Variants in PLA2G4A observed in about 807,000 individuals in gnomAD.
PLA2G4A encodes cytosolic phospholipase A2.
PLA2G4A carries 40 observed loss-of-function variants against 81.9 expected under a neutral mutation model. The ratio of observed to expected loss-of-function variants is 0.49; its 90% CI spans 0.38 to 0.64. The LOEUF (loss-of-function observed/expected upper bound fraction) is 0.64. PLA2G4A is among the 30% of genes least tolerant of loss of function. PLA2G4A has a pLI of 0.00. For synonymous variants in PLA2G4A, 302 were observed against 296.9 expected (o/e 1.02, Z -0.18); for missense variants, 715 against 905.1 (o/e 0.79, Z 2.69).
intron 15 of PLA2G4A, among the ~76,000 whole-genome samples, chr1:186,974,239 G>C (rs1197129634): frequency 1.3e-5 from 2 of 151,716 alleles, no homozygotes; most frequent in Non-Finnish European, 2.9e-5. Flanking sequence ...GTATTTATTT[G>C]TCATTCCTCT....
intron 10 of PLA2G4A, among the ~76,000 whole-genome samples, chr1:186,945,274 G>C (rs371266801): frequency 7.9e-5 from 12 of 152,150 alleles, no homozygotes; most frequent in African/African-American, 2.9e-4. Flanking sequence ...AGTGAAGTGG[G>C]ATACGCAAGA....
chr1:186,936,367 TG>T (rs1483932177), intron 8 of PLA2G4A, among the ~76,000 whole-genome samples: 4 of 151,998 alleles, frequency 2.6e-5, no homozygotes, highest in Non-Finnish European at 5.9e-5. Context: ...CAGCTAAGTT[TG>T]TCTTCTTCCC....
chr1:186,979,851 A>T lies in PLA2G4A; in HGVS notation c.2118+379A>T, dbSNP rs187074695. On this transcript the variant is annotated intron_variant, in intron 17 of 17. Transcript: ENST00000367466. ...CCAGAAGTGTAGTTAATCTGCAAAAATATAACATGAATTTTAATAAATACA... is the reference window on the plus strand; with the variant it reads ...CCAGAAGTGTAGTTAATCTGCAAAATTATAACATGAATTTTAATAAATACA... Among the ~76,000 whole-genome samples the T allele has an allele frequency of 5.9e-5, 9 of 152,212 alleles. No individual in the cohort carries two copies. The East Asian group carries it at 1.7e-3, about 29-fold the overall frequency.
intron 13 of PLA2G4A, 105 bp from the exon 14 acceptor site, chr1:186,955,997 C>T: frequency 1.0e-6 from 1 of 989,298 alleles, no homozygotes; most frequent in Non-Finnish European, 1.6e-6. Flanking sequence ...GCCTTGGCCT[C>T]CCAAAGTGCT....
intron 9 of PLA2G4A, 83 bp downstream of exon 9, chr1:186,939,313 G>A (rs945563381): frequency 6.6e-6 from 4 of 606,112 alleles, no homozygotes; most frequent in African/African-American, 3.8e-5. Flanking sequence ...AAAAGAAAAT[G>A]TAATACATTT....
At chr1:186,894,715 G>A (rs1399461648) in intron 5 of PLA2G4A, among the ~76,000 whole-genome samples, 1 of 152,142 alleles carries the variant, frequency 6.6e-6, no homozygotes, top group Non-Finnish European at 1.5e-5. Flanking sequence ...AGCAGTGAAA[G>A]GCCAAAAGGA....
intron 6 of PLA2G4A, among the ~76,000 whole-genome samples, chr1:186,909,780 G>A (rs536817134): frequency 2.4e-4 from 37 of 151,166 alleles, no homozygotes; most frequent in African/African-American, 7.8e-4. Context: ...TTCAACAACC[G>A]TTTCTTTAAA....
chr1:186,947,210 C>G (rs2102234413), intron 12 of PLA2G4A, among the ~76,000 whole-genome samples: 1 of 152,196 alleles, frequency 6.6e-6, no homozygotes, highest in South Asian at 2.1e-4. Flanking sequence ...GAACACATCT[C>G]TATTCCTTTT....
intron 17 of PLA2G4A, among the ~76,000 whole-genome samples, chr1:186,986,559 AC>A (rs1354827969): frequency 6.6e-6 from 1 of 152,216 alleles, no homozygotes; most frequent in African/African-American, 2.4e-5. Context: ...TCTTGGCTAC[AC>A]ACCTGGTGTG....
chr1:186,849,440 C>T (rs879560128), intron 1 of PLA2G4A, among the ~76,000 whole-genome samples: 2 of 152,156 alleles, frequency 1.3e-5, no homozygotes, highest in Non-Finnish European at 1.5e-5. Flanking sequence ...GTGGAAATGA[C>T]GTTGAGACTG....
At chr1:186,904,313 A>T (rs1221320989) in intron 5 of PLA2G4A, among the ~76,000 whole-genome samples, 1 of 152,228 alleles carries the variant, frequency 6.6e-6, no homozygotes, top group Non-Finnish European at 1.5e-5. Flanking sequence ...AGAGGTGATC[A>T]TTCTTCTTTC....
At chr1:186,879,483 A>T (rs1300476946) in intron 3 of PLA2G4A, among the ~76,000 whole-genome samples, 1 of 151,940 alleles carries the variant, frequency 6.6e-6, no homozygotes, top group Non-Finnish European at 1.5e-5. Context: ...ACAAAGAGGA[A>T]GCATTGTTTA....
chr1:186,838,095 A>G (rs934329701), intron 1 of PLA2G4A, among the ~76,000 whole-genome samples: 1 of 152,166 alleles, frequency 6.6e-6, no homozygotes, highest in Non-Finnish European at 1.5e-5. Context: ...GAATAAAGTG[A>G]CTTTTTCCGG....
chr1:186,905,007 A>G (rs1654684160), intron 5 of PLA2G4A, among the ~76,000 whole-genome samples: 1 of 152,106 alleles, frequency 6.6e-6, no homozygotes, highest in Admixed American at 6.6e-5. Context: ...AGCATGGGCC[A>G]CCATGCCTGG....
In PLA2G4A at chr1:186,872,542, T is replaced by A. The variant is rs145993403; in HGVS notation, c.115+2026T>A. ...CCCCTTTTTTTTAATCAATGAAGCG[T>A]TCTGTTGTGTAGAGACAACGGCTGT... On this transcript the variant is annotated intron_variant, in intron 3 of 17. Coordinates refer to ENST00000367466, the MANE Select transcript of PLA2G4A (RefSeq NM_024420.3). 9.8e-3 allele frequency among the ~76,000 whole-genome samples: 1,492 copies of A among 152,032 alleles called. 22 individuals are homozygous for A. Among genetic ancestry groups the A allele is most frequent in the African/African-American group, 0.034 (1,422 of 41,474 alleles).
chr1:186,861,964 A>T (rs1205574655), intron 2 of PLA2G4A, among the ~76,000 whole-genome samples: 1 of 149,510 alleles, frequency 6.7e-6, no homozygotes, highest in Non-Finnish European at 1.5e-5. Flanking sequence ...ATTAAGTAAA[A>T]TAATATATTT....
intron 3 of PLA2G4A, among the ~76,000 whole-genome samples, chr1:186,890,789 G>T (rs551497084): frequency 6.7e-6 from 1 of 150,180 alleles, no homozygotes; most frequent in Admixed American, 6.7e-5. Flanking sequence ...GGAGGCCGAG[G>T]TTGCAGTGAG....
At chr1:186,971,333 C>G (rs1657348893) in intron 15 of PLA2G4A, among the ~76,000 whole-genome samples, 1 of 151,942 alleles carries the variant, frequency 6.6e-6, no homozygotes. Context: ...AAGCATGTCT[C>G]CAATCACTCC....
chr1:186,833,838 A>G (rs1357479141), intron 1 of PLA2G4A, among the ~76,000 whole-genome samples: 1 of 152,214 alleles, frequency 6.6e-6, no homozygotes, highest in African/African-American at 2.4e-5. Flanking sequence ...AATGAATTCA[A>G]ATGAGCTTAG....
Sources: allele counts gnomAD v4.1 joint callset (sites outside exome capture counted in the v4.1 genomes callset), GRCh38; gene constraint gnomAD v4.1.1; transcripts MANE v1.5; gene names NCBI Gene and HGNC (gene_info 2026-07-23, HGNC 2026-07-21).